CDC45: variants seen among roughly 807,000 people sequenced by gnomAD.
CDC45 encodes cell division cycle 45, also known as cell division control protein 45 homolog.
CDC45 carries 54 observed loss-of-function variants against 77.8 expected under a neutral mutation model. That is an observed-to-expected ratio of 0.69 (90% CI 0.56 to 0.87). The LOEUF is 0.87. CDC45 is among the 40% of genes least tolerant of loss of function. The pLI is 0.00. For synonymous variants in CDC45, 260 were observed against 272.1 expected (o/e 0.96, Z 0.44); for missense variants, 649 against 721.6 (o/e 0.90, Z 1.15).
At chr22:19,505,169 C>T (rs8136840) in intron 9 of CDC45, 193 bp from the exon 10 acceptor site, 89 of 618,714 alleles carry the variant, frequency 1.4e-4, no homozygotes, top group Non-Finnish European at 2.3e-4. Context: ...CACACCCCCC[C>T]GCTCCATCCA....
chr22:19,504,360 C>T (rs1168115759), intron 9 of CDC45, among the ~76,000 whole-genome samples: 3 of 152,180 alleles, frequency 2.0e-5, no homozygotes, highest in Non-Finnish European at 4.4e-5. Context: ...AGTGCAATGG[C>T]GCTGTCTCGG....
chr22:19,519,886 G>A (rs565129059), intron 18 of CDC45, among the ~76,000 whole-genome samples: 386 of 152,294 alleles, frequency 2.5e-3, no homozygotes, highest in Middle Eastern at 0.02. Context: ...CGGGGTTTTT[G>A]GCAAGTTCTG....
At chr22:19,500,760 C>T (rs542765025) in intron 9 of CDC45, among the ~76,000 whole-genome samples, 2 of 152,272 alleles carry the variant, frequency 1.3e-5, no homozygotes, top group South Asian at 4.2e-4. Context: ...GATTGAAGAT[C>T]TCCTCCCATC....
At chr22:19,501,563 AG>A (rs1210713229) in intron 9 of CDC45, among the ~76,000 whole-genome samples, 1 of 152,200 alleles carries the variant, frequency 6.6e-6, no homozygotes, top group Non-Finnish European at 1.5e-5. Flanking sequence ...ACACCCAACA[AG>A]CATCTAAAAT....
At chr22:19,499,182 C>T (rs1568924542) in intron 9 of CDC45, 31 bp downstream of exon 9, 1 of 1,610,796 alleles carries the variant, frequency 6.2e-7, no homozygotes, top group South Asian at 1.1e-5. Flanking sequence ...CTTGCAGGGT[C>T]AGCCCTGTGC....
At chr22:19,486,054 C>T (rs146349575) in intron 5 of CDC45, among the ~76,000 whole-genome samples, 63 of 150,132 alleles carry the variant, frequency 4.2e-4, no homozygotes, top group East Asian at 1.2e-3. Flanking sequence ...TGGAGTCTCA[C>T]TCTGTCACTG....
intron 5 of CDC45, among the ~76,000 whole-genome samples, chr22:19,493,509 A>G (rs1232311937): frequency 1.3e-5 from 2 of 151,852 alleles, no homozygotes; most frequent in African/African-American, 4.8e-5. Context: ...CAGTGGCACA[A>G]TCTCGGCTCA....
Position 19,514,959 on chromosome 22 carries a change from C to T in CDC45, c.1357-6C>T. 1 of 1,614,224 alleles carries T rather than the reference C, an allele frequency of 6.2e-7. No homozygotes were observed. Among genetic ancestry groups the T allele is most frequent in the Non-Finnish European group, 8.5e-7 (1 of 1,180,040 alleles). On this transcript the variant is annotated splice_region_variant and splice_polypyrimidine_tract_variant and intron_variant, in intron 14 of 18. Transcript: ENST00000263201. ...CTTCGTCTGACCATCTGTCTCGCCT[C>T]CGCAGGGCACTCCAGATGTCATGCT...
At position 19,481,002 on chromosome 22, in the gene CDC45, G is replaced by A. The variant is rs528501579; in HGVS notation, c.161G>A (p.Gly54Glu). 23 of 1,613,440 alleles carry A rather than the reference G, an allele frequency of 1.4e-5. No individual in the cohort carries two copies. In the East Asian group the frequency reaches 4.7e-4, roughly 33 times the overall value. The change falls in exon 3 of 19, where the codon GGG (glycine) becomes GAG (glutamate). Residue 54 changes from glycine to glutamate, a missense_variant. Physicochemically the swap from Gly to Glu is moderately conservative, Grantham distance 98. Transcript: ENST00000263201. ...HVQYTLVPVS[G>E]WQELETAFLE... is the part of the protein sequence containing the mutation. ...CAATATACGCTGGTTCCAGTTTCTG[G>A]GTGGCAAGAACTTGAAACTGCATTT... is the stretch of plus-strand genomic sequence containing the variant.
intron 3 of CDC45, 96 bp from the exon 4 acceptor site, chr22:19,482,594 C>T (rs1203506575): frequency 9.7e-6 from 13 of 1,343,856 alleles, no homozygotes. Flanking sequence ...ATGTCAGGGA[C>T]TGAGTGAGTT....
intron 12 of CDC45, 101 bp downstream of exon 12, chr22:19,507,965 A>G (rs928025065): frequency 1.7e-5 from 13 of 748,910 alleles, no homozygotes; most frequent in Admixed American, 6.1e-5. Flanking sequence ...AAAAAAAACC[A>G]ACGTGCTCCT....
chr22:19,499,200 A>G, intron 9 of CDC45, 49 bp downstream of exon 9: 1 of 1,593,756 alleles, frequency 6.3e-7, no homozygotes, highest in Non-Finnish European at 8.6e-7. Context: ...TGCTGTGGCC[A>G]GGTGCACAGC....
chr22:19,487,412 G>A (rs1403262767), intron 5 of CDC45, among the ~76,000 whole-genome samples: 1 of 151,754 alleles, frequency 6.6e-6, no homozygotes, highest in Non-Finnish European at 1.5e-5. Flanking sequence ...CATAGGCCCG[G>A]CTACTTGGGA....
At chr22:19,481,177 A>G (rs1707214818) in intron 3 of CDC45, 132 bp downstream of exon 3, 1 of 592,190 alleles carries the variant, frequency 1.7e-6, no homozygotes, top group African/African-American at 1.9e-5. Context: ...GAAGAGAAAA[A>G]CATGCTGTAT....
intron 9 of CDC45, among the ~76,000 whole-genome samples, chr22:19,502,231 A>G (rs1477325249): frequency 6.6e-6 from 1 of 152,208 alleles, no homozygotes; most frequent in Non-Finnish European, 1.5e-5. Context: ...CTGACACCCT[A>G]AATATCCAGT....
At chr22:19,504,800 A>G (rs187833735) in intron 9 of CDC45, among the ~76,000 whole-genome samples, 172 of 152,288 alleles carry the variant, frequency 1.1e-3, no homozygotes, top group African/African-American at 3.6e-3. Context: ...AAGGGAAAAC[A>G]GCATTTCCTA....
chr22:19,507,023 G>C (rs989726600), intron 10 of CDC45, among the ~76,000 whole-genome samples: 42 of 152,340 alleles, frequency 2.8e-4, no homozygotes, highest in Admixed American at 1.9e-3. Flanking sequence ...GGGTTGTAGG[G>C]AGGGCTGGGC....
intron 13 of CDC45, among the ~76,000 whole-genome samples, chr22:19,511,329 C>CTTTTTT (rs374439054): frequency 4.7e-5 from 6 of 126,342 alleles, no homozygotes; most frequent in African/African-American, 3.0e-5. Flanking sequence ...AGTCCTTTGT[C>CTTTTTT]TTTTTTTTTT....
chr22:19,507,208 G>A (rs954772311), intron 10 of CDC45, among the ~76,000 whole-genome samples, 178 bp from the exon 11 acceptor site: 1 of 152,242 alleles, frequency 6.6e-6, no homozygotes. Flanking sequence ...CAGGCTCTCT[G>A]TATGGGTCAG....
Sources: allele counts gnomAD v4.1 joint callset (sites outside exome capture counted in the v4.1 genomes callset), GRCh38; gene constraint gnomAD v4.1.1; transcripts MANE v1.5; gene names NCBI Gene and HGNC (gene_info 2026-07-23, HGNC 2026-07-21).